The following SUGP1 variants were observed in gnomAD, a reference collection of about 807,000 sequenced individuals.
The protein encoded by SUGP1 is SURP and G-patch domain containing 1, also known as SURP and G-patch domain-containing protein 1.
A neutral mutation model predicts 76.5 loss-of-function variants in SUGP1; 34 were observed. That is an observed-to-expected ratio of 0.44 (90% CI 0.34 to 0.59). The LOEUF is 0.59. Ranked by LOEUF, SUGP1 falls within the 20% of genes least tolerant of loss-of-function variation. SUGP1 has a pLI of 0.01. For missense variants in SUGP1, 752 were observed against 851.7 expected, an observed-to-expected ratio of 0.88 and a Z score of 1.46; for synonymous variants, 326 against 326.2, an observed-to-expected ratio of 1.00 and a Z score of 0.01.
At chr19:19,279,483 C>T (rs943284586) in intron 9 of SUGP1, 93 bp from the exon 10 acceptor site, 21 of 1,407,396 alleles carry the variant, frequency 1.5e-5, no homozygotes, top group Middle Eastern at 2.5e-4. Context: ...GGGCATCCCC[C>T]GCCGGAACGT....
chr19:19,280,341 T>C (rs766564589), intron 8 of SUGP1, 50 bp from the exon 9 acceptor site: 2 of 1,529,320 alleles, frequency 1.3e-6, no homozygotes, highest in South Asian at 1.1e-5. Context: ...TGCACCCCGA[T>C]CTCGCTCCTG....
At chr19:19,310,236 G>T in intron 2 of SUGP1, 36 bp from the exon 3 acceptor site, 2 of 1,532,490 alleles carry the variant, frequency 1.3e-6, no homozygotes, top group Non-Finnish European at 1.8e-6. Context: ...GGGTGAGCTG[G>T]CTAGAGATGG....
chr19:19,309,686 G>A (rs558476017), intron 3 of SUGP1, among the ~76,000 whole-genome samples: 78 of 152,152 alleles, frequency 5.1e-4, no homozygotes, highest in African/African-American at 1.7e-3. Context: ...TGAGGTGGGC[G>A]GATCACAAGG....
chr19:19,304,211 C>T (rs996041584), intron 4 of SUGP1, among the ~76,000 whole-genome samples: 2 of 152,174 alleles, frequency 1.3e-5, no homozygotes, highest in Non-Finnish European at 2.9e-5. Context: ...AAAGATGACA[C>T]GTTCTTTTTT....
At chr19:19,318,269 C>T (rs553691077) in intron 1 of SUGP1, among the ~76,000 whole-genome samples, 5 of 151,514 alleles carry the variant, frequency 3.3e-5, no homozygotes, top group Admixed American at 6.6e-5. Flanking sequence ...AGGCATCTGC[C>T]GCCATGCCTG....
rs376452672 is a variant in SUGP1, at chr19:19,288,764, A to T, written c.1243+8225T>A. On this transcript the variant is annotated intron_variant, in intron 8 of 13. Coordinates refer to ENST00000247001, the MANE Select transcript of SUGP1 (RefSeq NM_172231.4). Reference sequence around the variant, plus strand: ...GAGTGAGACCCTGCCTCAAAAAAAAAGTTTATATTCAGATTTTCTCTTTTT... The same window carrying T: ...GAGTGAGACCCTGCCTCAAAAAAAATGTTTATATTCAGATTTTCTCTTTTT... Among the ~76,000 whole-genome samples the T allele has an allele frequency of 4.6e-5, 7 of 152,060 alleles. No individual in the cohort carries two copies. The East Asian group carries it at 1.2e-3, about 25-fold the overall frequency.
chr19:19,306,239 G>A (rs1452828066), intron 3 of SUGP1, among the ~76,000 whole-genome samples, 163 bp from the exon 4 acceptor site: 1 of 152,186 alleles, frequency 6.6e-6, no homozygotes, highest in Non-Finnish European at 1.5e-5. Flanking sequence ...GGGACAGTGA[G>A]GCAAAGAGCA....
chr19:19,297,426 TGTGTG>T, intron 7 of SUGP1, 82 bp from the exon 8 acceptor site: 403 of 1,169,732 alleles, frequency 3.4e-4, no homozygotes, highest in Non-Finnish European at 4.4e-4. Context: ...GTTCTGGCCT[TGTGTG>T]CCCACGTTGG....
intron 1 of SUGP1, among the ~76,000 whole-genome samples, chr19:19,317,570 T>G (rs2061403842): frequency 6.6e-6 from 1 of 152,134 alleles, no homozygotes; most frequent in African/African-American, 2.4e-5. Flanking sequence ...CAGGCTGGAG[T>G]GCAGTGGTGT....
intron 1 of SUGP1, among the ~76,000 whole-genome samples, chr19:19,320,139 A>G (rs2061430737): frequency 6.6e-6 from 1 of 152,230 alleles, no homozygotes; most frequent in African/African-American, 2.4e-5. Flanking sequence ...AGAGGGGTGC[A>G]GGGACAGCCC....
At chr19:19,305,105 G>A (rs1321007224) in intron 4 of SUGP1, among the ~76,000 whole-genome samples, 1 of 152,170 alleles carries the variant, frequency 6.6e-6, no homozygotes, top group East Asian at 1.9e-4. Context: ...CTAATGGCCC[G>A]GGGGCCAAGC....
intron 8 of SUGP1, among the ~76,000 whole-genome samples, chr19:19,285,060 G>A (rs1229819597): frequency 6.6e-6 from 1 of 151,662 alleles, no homozygotes; most frequent in Admixed American, 6.6e-5. Context: ...GTAGAGACGG[G>A]GTTTCACCGT....
chr19:19,316,112 T>A (rs575643792), intron 2 of SUGP1: 2 of 269,790 alleles, frequency 7.4e-6, no homozygotes, highest in Non-Finnish European at 1.4e-5. Flanking sequence ...AGATTACAGG[T>A]GTGAGGCAGC....
intron 2 of SUGP1, among the ~76,000 whole-genome samples, chr19:19,314,498 AAAG>A (rs1197316095): frequency 3.3e-5 from 5 of 152,082 alleles, no homozygotes; most frequent in Admixed American, 6.6e-5. Flanking sequence ...AAGTTTAAAA[AAAG>A]AAGGAGTAGA....
chr19:19,302,206 C>A, intron 7 of SUGP1, 59 bp downstream of exon 7: 1 of 1,604,248 alleles, frequency 6.2e-7, no homozygotes, highest in Non-Finnish European at 8.5e-7. Context: ...CCAGTGTCCT[C>A]CCCTGCAGGG....
At chr19:19,279,806 G>T (rs1264874979) in intron 9 of SUGP1, among the ~76,000 whole-genome samples, 2 of 152,214 alleles carry the variant, frequency 1.3e-5, no homozygotes, top group Non-Finnish European at 2.9e-5. Flanking sequence ...TGCTGACCAG[G>T]ATGGTCCTGC....
rs528393832 is a variant in SUGP1, at chr19:19,316,908, C to A, written c.35-315G>T. On this transcript the variant is annotated intron_variant, in intron 1 of 13. Coordinates refer to ENST00000247001, the MANE Select transcript of SUGP1 (RefSeq NM_172231.4). The stretch of plus-strand genomic sequence containing the variant: ...ATCCCAGCACTTTGGGAGGCAGGGG[C>A]AGGCGGATCACTTGAGGTCAGGAGA... Among the ~76,000 whole-genome samples the A allele has an allele frequency of 3.3e-5, 5 of 152,206 alleles. No homozygotes were observed. The South Asian group carries it at 6.2e-4, about 19-fold the overall frequency.
chr19:19,296,914 G>A, intron 8 of SUGP1, 75 bp downstream of exon 8: 1 of 1,242,288 alleles, frequency 8.0e-7, no homozygotes, highest in South Asian at 1.6e-5. Flanking sequence ...CACTGTGGAT[G>A]AACCTTGAAG....
intron 2 of SUGP1, among the ~76,000 whole-genome samples, chr19:19,315,809 G>C (rs1393693601): frequency 6.6e-6 from 1 of 151,892 alleles, no homozygotes; most frequent in African/African-American, 2.4e-5. Flanking sequence ...CCAGTAGTTT[G>C]TCACCCCATA....
Sources: gnomAD v4.1 joint callset for allele counts (sites outside exome capture counted in the v4.1 genomes callset) on GRCh38, gnomAD v4.1.1 for gene constraint, MANE v1.5 for transcripts, NCBI Gene and HGNC (gene_info 2026-07-23, HGNC 2026-07-21) for gene names.